Variants in ZNF469 observed in about 807,000 individuals in gnomAD.
The protein encoded by ZNF469 is zinc finger protein 469.
A neutral mutation model predicts 1.0 loss-of-function variants in ZNF469; 1 was observed. The ratio of observed to expected loss-of-function variants is 1.00; its 90% confidence interval spans 0.35 to 4.73. The LOEUF (loss-of-function observed/expected upper bound fraction) is 4.73. Ranked by LOEUF, ZNF469 falls within the 30% of genes most tolerant of loss-of-function variation. The pLI is 0.16. For missense variants in ZNF469, 6,100 were observed against 5,356.3 expected, an observed-to-expected ratio of 1.14 and a Z score of -4.33; for synonymous variants, 2,703 against 2,363.4, an observed-to-expected ratio of 1.14 and a Z score of -4.17.
At chr16:88,152,304 C>T in the ZNF469 span, among the ~76,000 whole-genome samples, 2 of 152,266 alleles carry the variant, frequency 1.3e-5, no homozygotes, top group Non-Finnish European at 1.5e-5. The surrounding 1 kb of genome is among the most constrained non-coding windows in gnomAD (Gnocchi z 4.2). Context: ...GGAAAAGTCA[C>T]GGGCAGCCAT....
the ZNF469 span, among the ~76,000 whole-genome samples, chr16:88,264,902 C>G: frequency 4.9e-3 from 752 of 152,248 alleles, 7 homozygotes; most frequent in African/African-American, 0.017. Flanking sequence ...TGAGGGTGAC[C>G]GTGGCCTCTC....
the ZNF469 span, among the ~76,000 whole-genome samples, chr16:88,235,132 G>A: frequency 1.6e-4 from 24 of 152,280 alleles, no homozygotes; most frequent in African/African-American, 5.3e-4. Context: ...CTTGAGACTG[G>A]TTGACAAGGG....
Position 88,415,068 on chromosome 16 carries a change from T to C in ZNF469, c.-191-9739T>C, listed in dbSNP as rs570461476. On this transcript the variant is annotated intron_variant, in intron 1 of 2. Coordinates refer to ENST00000565624, the MANE Select transcript of ZNF469 (RefSeq NM_001367624.2). Reference sequence around the variant, plus strand: ...TCCGGTCCCGGGTGCCACTTCCCACTGTGTGGCCTTGGAAAAGTCCCTTCC... The same window carrying C: ...TCCGGTCCCGGGTGCCACTTCCCACCGTGTGGCCTTGGAAAAGTCCCTTCC... 2.0e-5 allele frequency among the ~76,000 whole-genome samples: 3 copies of C among 152,324 alleles called. No individual in the cohort carries two copies. The East Asian group carries it at 5.8e-4, about 29-fold the overall frequency.
the ZNF469 span, among the ~76,000 whole-genome samples, chr16:88,196,907 G>A: frequency 8.5e-5 from 13 of 152,164 alleles, no homozygotes; most frequent in African/African-American, 2.7e-4. Flanking sequence ...CATGAGGAGC[G>A]CTGCTTATGC....
chr16:88,420,043 G>C (rs1304286480), intron 1 of ZNF469, among the ~76,000 whole-genome samples: 2 of 152,198 alleles, frequency 1.3e-5, no homozygotes, highest in African/African-American at 4.8e-5. Context: ...TCCTTCCCCA[G>C]TGCCATGTCT....
the ZNF469 span, among the ~76,000 whole-genome samples, chr16:88,357,895 G>A: frequency 3.9e-5 from 6 of 152,242 alleles, no homozygotes; most frequent in Admixed American, 2.0e-4. Flanking sequence ...TTGGGAGGAC[G>A]GAGCGGAAAC....
At chr16:88,232,272 C>T in the ZNF469 span, among the ~76,000 whole-genome samples, 2 of 152,312 alleles carry the variant, frequency 1.3e-5, no homozygotes, top group African/African-American at 2.4e-5. Context: ...GCACAGCCAT[C>T]GGGCTGTTTC....
chr16:88,153,277 G>T, the ZNF469 span, among the ~76,000 whole-genome samples: 1 of 152,184 alleles, frequency 6.6e-6, no homozygotes, highest in Admixed American at 6.5e-5. Flanking sequence ...CCTTCGTGGG[G>T]GGCCTGCGGT....
the ZNF469 span, among the ~76,000 whole-genome samples, chr16:88,319,237 G>A: frequency 6.6e-6 from 1 of 152,078 alleles, no homozygotes; most frequent in African/African-American, 2.4e-5. Context: ...ACCTCCGAGG[G>A]GGCCTTGCAG....
In ZNF469 at chr16:88,436,807, G is replaced by A. The variant is rs1442574988; in HGVS notation, c.9337G>A (p.Ala3113Thr). The A allele has an allele frequency of 4.5e-6, 7 of 1,540,970 alleles. No individual in the cohort carries two copies. In the Admixed American group the frequency reaches 9.8e-5, roughly 22 times the overall value. ...GRGRPAKGRR[A>T]SYKCKVCFQR... The stretch of plus-strand genomic sequence containing the variant: ...AGGCCGGCCGGCCAAGGGCAGGCGG[G>A]CCTCCTACAAGTGCAAAGTGTGCTT... Residue 3113 changes from alanine to threonine, a missense_variant, in exon 3 of 3, where the codon GCC becomes ACC. By Grantham distance (58) the Ala-to-Thr change is moderately conservative. Coordinates refer to ENST00000565624, the MANE Select transcript of ZNF469 (RefSeq NM_001367624.2).
chr16:88,252,835 A>T, the ZNF469 span, among the ~76,000 whole-genome samples: 139 of 152,186 alleles, frequency 9.1e-4, no homozygotes, highest in Admixed American at 2.0e-3. Context: ...TCACCCCAGA[A>T]ATTTCTCTCA....
At chr16:88,111,941 G>A in the ZNF469 span, among the ~76,000 whole-genome samples, 3 of 152,102 alleles carry the variant, frequency 2.0e-5, no homozygotes, top group Admixed American at 1.3e-4. Context: ...GGCCAAAAAC[G>A]TGTTGTTTTT....
chr16:88,337,020 A>G, the ZNF469 span, among the ~76,000 whole-genome samples: 1 of 152,262 alleles, frequency 6.6e-6, no homozygotes, highest in African/African-American at 2.4e-5. Flanking sequence ...TTCATGTGCT[A>G]GTGTTTCACT....
intron 1 of ZNF469, among the ~76,000 whole-genome samples, chr16:88,388,537 G>A (rs1904401669): frequency 6.6e-6 from 1 of 152,270 alleles, no homozygotes; most frequent in Admixed American, 6.5e-5. Flanking sequence ...CCTGGATGTG[G>A]CCAGCCGGGC....
intron 1 of ZNF469, among the ~76,000 whole-genome samples, chr16:88,395,659 C>T (rs987570502): frequency 2.4e-4 from 36 of 151,488 alleles, no homozygotes; most frequent in Non-Finnish European, 3.4e-4. Context: ...TAATTCCCAC[C>T]GGAGGCTCAG....
chr16:88,413,735 G>A (rs928198752), intron 1 of ZNF469, among the ~76,000 whole-genome samples: 12 of 152,324 alleles, frequency 7.9e-5, no homozygotes, highest in South Asian at 2.1e-4. Context: ...GCTGTGGTCC[G>A]GAGGGTGCAG....
the ZNF469 span, among the ~76,000 whole-genome samples, chr16:88,120,226 C>G: frequency 5.9e-5 from 9 of 152,314 alleles, no homozygotes; most frequent in Non-Finnish European, 1.2e-4. Flanking sequence ...AGGGGCAGCC[C>G]TGGGCCCAGG....
At chr16:88,221,796 G>A in the ZNF469 span, among the ~76,000 whole-genome samples, 2 of 152,260 alleles carry the variant, frequency 1.3e-5, no homozygotes, top group East Asian at 1.9e-4. Context: ...CACTCCATCC[G>A]CTCCCAGCTG....
chr16:88,210,848 G>C, the ZNF469 span, among the ~76,000 whole-genome samples: 2 of 152,202 alleles, frequency 1.3e-5, no homozygotes, highest in Non-Finnish European at 2.9e-5. Flanking sequence ...GCCTGGTAAA[G>C]CTGGGCCTCC....
Sources: allele counts gnomAD v4.1 joint callset (sites outside exome capture counted in the v4.1 genomes callset), GRCh38; gene constraint gnomAD v4.1.1; non-coding constraint Gnocchi (gnomAD v3.1); transcripts MANE v1.5; gene names NCBI Gene and HGNC (gene_info 2026-07-23, HGNC 2026-07-21).